The following DAB1 variants were observed in gnomAD, a reference collection of about 807,000 sequenced individuals.
DAB1 encodes the protein DAB adaptor protein 1.
Under a neutral mutation model 64.6 loss-of-function variants are expected in DAB1, and 15 were observed. The ratio of observed to expected loss-of-function variants is 0.23; its 90% CI spans 0.16 to 0.36. The LOEUF is 0.36. Ranked by LOEUF, DAB1 falls within the 10% of genes least tolerant of loss-of-function variation. The pLI, the probability that DAB1 is intolerant of heterozygous loss-of-function variation, is 1.00. For synonymous variants in DAB1, 235 were observed against 251.9 expected (o/e 0.93, Z 0.64); for missense variants, 596 against 706.7 (o/e 0.84, Z 1.78).
At chr1:57,695,510 G>A (rs897150716) in intron 6 of DAB1, among the ~76,000 whole-genome samples, 3 of 152,210 alleles carry the variant, frequency 2.0e-5, no homozygotes, top group African/African-American at 7.2e-5. Context: ...CTAGAGGAAA[G>A]GTTTCAGCAA....
intron 6 of DAB1, among the ~76,000 whole-genome samples, chr1:57,750,759 T>C (rs2101802964): frequency 6.6e-6 from 1 of 152,288 alleles, no homozygotes; most frequent in South Asian, 2.1e-4. Context: ...CATCCTCAAG[T>C]TGCCTCTCTT....
chr1:58,126,642 T>A (rs1653118351), intron 5 of DAB1, among the ~76,000 whole-genome samples: 1 of 141,148 alleles, frequency 7.1e-6, no homozygotes, highest in Admixed American at 7.5e-5. Flanking sequence ...CAGAGTGTGA[T>A]ATTCCCCTTC....
chr1:57,938,359 C>T (rs553265977), intron 5 of DAB1, among the ~76,000 whole-genome samples: 85 of 152,268 alleles, frequency 5.6e-4, no homozygotes, highest in African/African-American at 1.9e-3. Flanking sequence ...TGTGTCAGCA[C>T]CCAAATTTCA....
At chr1:58,009,606 TAAG>T (rs1646638695) in intron 5 of DAB1, among the ~76,000 whole-genome samples, 1 of 152,202 alleles carries the variant, frequency 6.6e-6, no homozygotes, top group Non-Finnish European at 1.5e-5. Context: ...TCTTCCAGTT[TAAG>T]AAGAACTTAA....
At chr1:57,413,529 C>T (rs1684268197) in intron 1 of DAB1, among the ~76,000 whole-genome samples, 1 of 151,976 alleles carries the variant, frequency 6.6e-6, no homozygotes, top group African/African-American at 2.4e-5. Flanking sequence ...ATCACGAGGT[C>T]AGGAGATCGA....
At chr1:57,530,207 C>T (rs945778040) in intron 7 of DAB1, among the ~76,000 whole-genome samples, 11 of 152,196 alleles carry the variant, frequency 7.2e-5, no homozygotes, top group Non-Finnish European at 1.5e-4. Context: ...TTAAAATTTA[C>T]TTTCAAAGAA....
At chr1:57,734,717 A>G (rs1423499520) in intron 6 of DAB1, among the ~76,000 whole-genome samples, 1 of 152,210 alleles carries the variant, frequency 6.6e-6, no homozygotes, top group Admixed American at 6.5e-5. Context: ...GGGACGGGAT[A>G]TACTTTTCCA....
chr1:58,354,383 T>G (rs1048555608), intron 3 of DAB1, among the ~76,000 whole-genome samples: 2 of 152,126 alleles, frequency 1.3e-5, no homozygotes, highest in Non-Finnish European at 2.9e-5. Flanking sequence ...GGAACCAGTG[T>G]AATTGGTGCA....
intron 4 of DAB1, among the ~76,000 whole-genome samples, chr1:58,249,412 AT>A: frequency 6.6e-6 from 1 of 152,022 alleles, no homozygotes; most frequent in Middle Eastern, 3.4e-3. Context: ...GTTATGCCTA[AT>A]TGGTCACTAA....
At chr1:58,352,491 T>C (rs1243582923) in intron 3 of DAB1, among the ~76,000 whole-genome samples, 1 of 152,134 alleles carries the variant, frequency 6.6e-6, no homozygotes, top group African/African-American at 2.4e-5. Flanking sequence ...GGGACCACCA[T>C]TTAGGGATGA....
intron 7 of DAB1, among the ~76,000 whole-genome samples, chr1:57,517,134 T>C (rs1279558084): frequency 6.6e-6 from 1 of 152,150 alleles, no homozygotes; most frequent in East Asian, 1.9e-4. Context: ...ACTTATTTGC[T>C]TGTTTCCTTC....
chr1:58,192,708 T>C (rs950516033), intron 4 of DAB1, among the ~76,000 whole-genome samples: 3 of 152,210 alleles, frequency 2.0e-5, no homozygotes, highest in African/African-American at 7.2e-5. Context: ...CAATACTTCA[T>C]TGATGGACAC....
rs1177315368 is a variant in DAB1, at chr1:58,425,581, G to C, written n.257+80479C>G. On this transcript the variant is annotated intron_variant and non_coding_transcript_variant, in intron 3 of 20. Transcript: ENST00000485760. ...AAGAACTTGCCAAGGACAAATATAG[G>C]ATGAAATACAGGACAAGCATAGGAT... Among the ~76,000 whole-genome samples, 4 of 152,070 alleles carry C rather than the reference G, an allele frequency of 2.6e-5. No homozygotes were observed. In the East Asian group the frequency reaches 7.7e-4, roughly 29 times the overall value.
At chr1:57,368,501 A>C (rs1391737262) in intron 1 of DAB1, among the ~76,000 whole-genome samples, 1 of 152,168 alleles carries the variant, frequency 6.6e-6, no homozygotes, top group Non-Finnish European at 1.5e-5. Context: ...AGCTGAGCAG[A>C]CTTCTGGATG....
At chr1:57,549,386 G>A (rs546027495) in intron 7 of DAB1, among the ~76,000 whole-genome samples, 5 of 152,252 alleles carry the variant, frequency 3.3e-5, no homozygotes, top group East Asian at 1.9e-4. Flanking sequence ...GAACAGCAGC[G>A]GGTCTGTGAA....
At chr1:58,225,147 C>T (rs1404093463) in intron 4 of DAB1, among the ~76,000 whole-genome samples, 21 of 151,600 alleles carry the variant, frequency 1.4e-4, no homozygotes, top group Admixed American at 1.2e-3. Flanking sequence ...AAAAAGTGGG[C>T]GAAGGATATG....
intron 4 of DAB1, among the ~76,000 whole-genome samples, chr1:58,259,433 C>G (rs1427583739): frequency 1.3e-5 from 2 of 152,206 alleles, no homozygotes; most frequent in African/African-American, 4.8e-5. Flanking sequence ...TTGGAAGATT[C>G]CCATGATGCC....
chr1:57,121,790 G>A (rs1315182548), intron 4 of DAB1, among the ~76,000 whole-genome samples: 1 of 152,016 alleles, frequency 6.6e-6, no homozygotes, highest in African/African-American at 2.4e-5. Context: ...TAGGAAGGTG[G>A]TGGGCAAGGG....
At chr1:57,385,080 G>A (rs984945205) in intron 1 of DAB1, among the ~76,000 whole-genome samples, 3 of 152,162 alleles carry the variant, frequency 2.0e-5, no homozygotes, top group African/African-American at 7.2e-5. Context: ...ACAATACACA[G>A]ATTGGGATGT....
Sources: gnomAD v4.1 joint callset for allele counts (sites outside exome capture counted in the v4.1 genomes callset) on GRCh38, gnomAD v4.1.1 for gene constraint, MANE v1.5 for transcripts, NCBI Gene and HGNC (gene_info 2026-07-23, HGNC 2026-07-21) for gene names.